The following AKAP8L variants were observed in gnomAD, a reference collection of about 807,000 sequenced individuals.
The protein encoded by AKAP8L is A-kinase anchoring protein 8 like.
In AKAP8L, 34 loss-of-function variants were observed where a neutral mutation model predicts 77.5. The ratio of observed to expected loss-of-function variants is 0.44; its 90% confidence interval spans 0.33 to 0.58. AKAP8L has a LOEUF of 0.58. Ranked by LOEUF, AKAP8L falls within the 20% of genes least tolerant of loss-of-function variation. AKAP8L has a pLI of 0.02. For synonymous variants in AKAP8L, 342 were observed against 340.7 expected (o/e 1.00, Z -0.04); for missense variants, 806 against 887.6 (o/e 0.91, Z 1.17).
intron 1 of AKAP8L, among the ~76,000 whole-genome samples, chr19:15,414,296 A>G (rs892370756): frequency 6.6e-6 from 1 of 151,996 alleles, no homozygotes; most frequent in Non-Finnish European, 1.5e-5. Context: ...ACCTCAGAAG[A>G]TCTGCCCGCC....
In AKAP8L at chr19:15,410,543, C is replaced by T; in HGVS notation, c.65G>A (p.Ser22Asn). Residue 22 changes from serine to asparagine, a missense_variant, in exon 2 of 14, where the codon AGC becomes AAC. Around this residue, in one of 2 missense-constraint regions of AKAP8L, gnomAD observed 580 missense variants for 694.1 expected, o/e 0.84. Coordinates refer to ENST00000397410, the MANE Select transcript of AKAP8L (RefSeq NM_014371.4). ...ACCATAATCACAGGTGGGCTGAGCG[C>T]TGGTATCCGAGTATGTCGACTGCAA... ...TTLQSTYSDTSAQPTCDYGYG... is the reference protein window; with the variant it reads ...TTLQSTYSDTNAQPTCDYGYG... 6.3e-7 allele frequency: 1 copy of T among 1,589,874 alleles called. No individual in the cohort carries two copies. The highest frequency in any genetic ancestry group is 8.6e-7 in the Non-Finnish European group (1 of 1,168,108).
chr19:15,403,453 C>T lies in AKAP8L; in HGVS notation c.362+22G>A. The T allele has an allele frequency of 1.2e-6, 2 of 1,612,914 alleles. No homozygotes were observed. Among genetic ancestry groups the T allele is most frequent in the South Asian group, 2.2e-5 (2 of 91,026 alleles). Reference sequence around the variant, plus strand: ...GGAGCCGCCCCTGCAGAGTCTCAACCCCTAGGCAGGTGTCCACTCACCTTT... The same window carrying T: ...GGAGCCGCCCCTGCAGAGTCTCAACTCCTAGGCAGGTGTCCACTCACCTTT... On this transcript the variant is annotated intron_variant, in intron 4 of 13. Transcript: ENST00000397410. This position sits in a 1 kb window ranked among gnomAD's most constrained non-coding sequence, Gnocchi z 4.3.
At chr19:15,391,893 T>C (rs1050741335) in intron 12 of AKAP8L, among the ~76,000 whole-genome samples, 3 of 152,120 alleles carry the variant, frequency 2.0e-5, no homozygotes. Context: ...CTGGAGTGCA[T>C]GGTAGGATCA....
At position 15,401,737 on chromosome 19, in the gene AKAP8L, G is replaced by T; in HGVS notation, c.363-134C>A. 1 of 702,904 alleles carries T rather than the reference G, an allele frequency of 1.4e-6. No individual in the cohort carries two copies. The highest frequency in any genetic ancestry group is 2.3e-6 in the Non-Finnish European group (1 of 431,574). 43.5% of individuals were successfully genotyped at this position (702,904 alleles called of 1,614,324 possible). ...GTTGGGAGGCTCAATGTTCAGAAAT[G>T]CCGATTAAAGAGTTCCAGCCTCTCA... On this transcript the variant is annotated intron_variant, in intron 4 of 13. Transcript: ENST00000397410. The surrounding 1 kb of genome is among the most constrained non-coding windows in gnomAD (Gnocchi z 6.2).
intron 8 of AKAP8L, 172 bp downstream of exon 8, chr19:15,400,123 G>A: frequency 1.5e-6 from 1 of 645,420 alleles, no homozygotes; most frequent in Non-Finnish European, 2.7e-6. Flanking sequence ...AGGAAGAGTG[G>A]GAAGGGGGTG....
intron 12 of AKAP8L, among the ~76,000 whole-genome samples, chr19:15,394,787 G>A (rs1967734898): frequency 6.6e-6 from 1 of 152,094 alleles, no homozygotes; most frequent in South Asian, 2.1e-4. Context: ...TGTTACCAAA[G>A]ATAACAATAA....
chr19:15,404,115 T>G, intron 2 of AKAP8L, 73 bp from the exon 3 acceptor site: 1 of 1,511,986 alleles, frequency 6.6e-7, no homozygotes, highest in African/African-American at 1.4e-5. Context: ...CGCAGACAAT[T>G]ATTCCCAGGA....
intron 12 of AKAP8L, among the ~76,000 whole-genome samples, chr19:15,384,442 G>A (rs1001577337): frequency 6.6e-6 from 1 of 151,476 alleles, no homozygotes; most frequent in Non-Finnish European, 1.5e-5. Context: ...TGAGATTACA[G>A]GCGCCCACCA....
In AKAP8L at chr19:15,380,314, C is replaced by A; in HGVS notation, c.1749G>T (p.Glu583Asp). The A allele has an allele frequency of 6.5e-7, 1 of 1,536,100 alleles. No individual in the cohort carries two copies. Residue 583 changes from glutamate (E) to aspartate (D), a missense_variant, in exon 14 of 14, where the codon GAG becomes GAT. Transcript: ENST00000397410. ...GCACGGGAGGCTGCGCCGGCACGCC[C>A]TCTGCGCCCTCCGAGATCCCTGCCG... ...GEAAGISEGA[E>D]GVPAQPPVPP...
At chr19:15,411,765 A>T (rs1016024546) in intron 1 of AKAP8L, among the ~76,000 whole-genome samples, 1 of 151,890 alleles carries the variant, frequency 6.6e-6, no homozygotes. Flanking sequence ...ACATAAAATG[A>T]ATTAGGGCTG....
In AKAP8L at chr19:15,380,381, T is replaced by G. The variant is rs767901026; in HGVS notation, c.1682A>C (p.Glu561Ala). ...DSPEEEKEQE[E>A]AEGGALDEGA... is the part of the protein sequence containing the mutation. ...CTCGTCCAGGGCACCGCCCTCAGCC[T>G]CCTCCTGCTCCTTCTCCTCCTCGGG... Residue 561 changes from glutamate (E) to alanine (A), a missense_variant, in exon 14 of 14, where the codon GAG becomes GCG. Glu to Ala is a moderately radical substitution (Grantham distance 107, BLOSUM62 -1). Around this residue, in one of 2 missense-constraint regions of AKAP8L, gnomAD observed 226 missense variants for 193.5 expected, o/e 1.17. Transcript: ENST00000397410. 36 of 1,577,694 alleles carry G rather than the reference T, an allele frequency of 2.3e-5. No individual in the cohort carries two copies. In the Admixed American group the frequency reaches 4.3e-4, roughly 19 times the overall value.
intron 12 of AKAP8L, among the ~76,000 whole-genome samples, chr19:15,394,657 C>T (rs1967732157): frequency 6.6e-6 from 1 of 152,112 alleles, no homozygotes; most frequent in African/African-American, 2.4e-5. Context: ...GATCCTCCCA[C>T]CTTGGCTTCC....
In AKAP8L at chr19:15,403,018, G is replaced by T. The variant is rs540923263; in HGVS notation, c.362+457C>A. On this transcript the variant is annotated intron_variant, in intron 4 of 13. Coordinates refer to ENST00000397410, the MANE Select transcript of AKAP8L (RefSeq NM_014371.4). This position sits in a 1 kb window ranked among gnomAD's most constrained non-coding sequence, Gnocchi z 4.3. Reference sequence around the variant, plus strand: ...AGGCACAGGAGAGTAACCAGGAAATGCCCACACCTGCCCCGACCCTTACGT... The same window carrying T: ...AGGCACAGGAGAGTAACCAGGAAATTCCCACACCTGCCCCGACCCTTACGT... 4.3e-4 allele frequency among the ~76,000 whole-genome samples: 65 copies of T among 152,244 alleles called. 1 individual carries two copies. The Middle Eastern group carries it at 0.014, about 32-fold the overall frequency.
At chr19:15,394,820 T>C (rs1348838315) in intron 12 of AKAP8L, among the ~76,000 whole-genome samples, 1 of 152,216 alleles carries the variant, frequency 6.6e-6, no homozygotes, top group Non-Finnish European at 1.5e-5. Flanking sequence ...CATTAATCTC[T>C]ACAGTCTAGA....
chr19:15,387,171 C>T (rs1251309883), intron 12 of AKAP8L, among the ~76,000 whole-genome samples: 1 of 152,226 alleles, frequency 6.6e-6, no homozygotes, highest in Non-Finnish European at 1.5e-5. Flanking sequence ...GAAAGGCAAA[C>T]CAAGACCGGA....
At chr19:15,414,512 G>A (rs1407901145) in intron 1 of AKAP8L, among the ~76,000 whole-genome samples, 3 of 151,606 alleles carry the variant, frequency 2.0e-5, no homozygotes, top group Admixed American at 6.6e-5. Flanking sequence ...TTTTTGAGAC[G>A]GAGTCTCGCT....
chr19:15,403,420 A>G lies in AKAP8L; in HGVS notation c.362+55T>C. ...ACTCAGAGAGGAAAACGCAGTGGGC[A>G]GCAGGCAGGAGCCGCCCCTGCAGAG... On this transcript the variant is annotated intron_variant, in intron 4 of 13. Transcript: ENST00000397410. The surrounding 1 kb of genome is among the most constrained non-coding windows in gnomAD (Gnocchi z 4.3). 6.5e-7 allele frequency: 1 copy of G among 1,541,786 alleles called. No homozygotes were observed. The highest frequency in any genetic ancestry group is 2.2e-5 in the East Asian group (1 of 44,520).
At chr19:15,407,033 A>T (rs978771227) in intron 2 of AKAP8L, among the ~76,000 whole-genome samples, 1 of 152,084 alleles carries the variant, frequency 6.6e-6, no homozygotes, top group African/African-American at 2.4e-5. Flanking sequence ...GGGCAGGCAG[A>T]TCGCTTGAGC....
rs756427636 is a variant in AKAP8L, at chr19:15,403,500, C to T, written c.337G>A (p.Gly113Ser). Residue 113 changes from glycine to serine, a missense_variant, in exon 4 of 14, where the codon GGC becomes AGC. Physicochemically the swap from Gly to Ser is moderately conservative, Grantham distance 56. Transcript: ENST00000397410. The surrounding 1 kb of genome is among the most constrained non-coding windows in gnomAD (Gnocchi z 4.3). ...PHLETDMMQG[G>S]VYGSGGERYD... ...CTTTCTCCACCTGAGCCGTACACGC[C>T]TCCTTGCATCATGTCTGTCTCCAAA... The T allele has an allele frequency of 6.2e-7, 1 of 1,613,998 alleles. No individual in the cohort carries two copies. The highest frequency in any genetic ancestry group is 8.5e-7 in the Non-Finnish European group (1 of 1,179,896).
Sources: gnomAD v4.1 joint callset for allele counts (sites outside exome capture counted in the v4.1 genomes callset) on GRCh38, gnomAD v4.1.1 for gene constraint, gnomAD v4.1.1 regional missense constraint, Gnocchi (gnomAD v3.1) non-coding constraint, MANE v1.5 for transcripts, NCBI Gene and HGNC (gene_info 2026-07-23, HGNC 2026-07-21) for gene names.